The following USP37 variants were observed in gnomAD, a reference collection of about 807,000 sequenced individuals.
USP37 encodes the protein ubiquitin specific peptidase 37, also known as ubiquitin carboxyl-terminal hydrolase 37.
In USP37, 27 loss-of-function variants were observed where a neutral mutation model predicts 124.0. The observed-to-expected ratio is 0.22, with a 90% CI of 0.16 to 0.30. The LOEUF is 0.30. USP37 is among the 10% of genes least tolerant of loss of function. The pLI is 1.00. For missense variants in USP37, 889 were observed against 1,140.4 expected (o/e 0.78, Z 3.17); for synonymous variants, 365 against 388.0 (o/e 0.94, Z 0.70).
chr2:218,553,335 T>C (rs1407331615), intron 5 of USP37, among the ~76,000 whole-genome samples: 1 of 152,190 alleles, frequency 6.6e-6, no homozygotes, highest in Non-Finnish European at 1.5e-5. Flanking sequence ...ACAATTCAGA[T>C]GATCATGTGG....
chr2:218,459,586 T>G (rs997241641), intron 23 of USP37, among the ~76,000 whole-genome samples: 1 of 150,226 alleles, frequency 6.7e-6, no homozygotes, highest in Admixed American at 6.6e-5. Flanking sequence ...TGTATTCCTG[T>G]TTTTTTTGTT....
At chr2:218,489,946 G>A (rs547171849) in intron 14 of USP37, among the ~76,000 whole-genome samples, 3 of 152,252 alleles carry the variant, frequency 2.0e-5, no homozygotes, top group Non-Finnish European at 2.9e-5. Context: ...CTGCATTTTC[G>A]TTGTTGTATA....
intron 15 of USP37, among the ~76,000 whole-genome samples, chr2:218,487,862 T>C (rs1189653225): frequency 6.6e-6 from 1 of 151,882 alleles, no homozygotes; most frequent in East Asian, 1.9e-4. Flanking sequence ...AAACTTCTCA[T>C]CTGTTTTCCC....
intron 11 of USP37, among the ~76,000 whole-genome samples, chr2:218,503,921 T>C (rs1689531020): frequency 6.6e-6 from 1 of 152,166 alleles, no homozygotes; most frequent in Admixed American, 6.6e-5. Context: ...TGAAAAATGT[T>C]AATGGTCTAA....
At chr2:218,507,570 T>C (rs1030257963) in intron 11 of USP37, among the ~76,000 whole-genome samples, 2 of 152,182 alleles carry the variant, frequency 1.3e-5, no homozygotes, top group African/African-American at 4.8e-5. Flanking sequence ...TTTTTTCTTA[T>C]AGTCATTTTT....
chr2:218,469,341 C>A (rs981088959), intron 20 of USP37, among the ~76,000 whole-genome samples: 5 of 152,144 alleles, frequency 3.3e-5, no homozygotes, highest in African/African-American at 9.7e-5. Context: ...CCTACGCCTG[C>A]TGAACTGGGA....
intron 5 of USP37, among the ~76,000 whole-genome samples, chr2:218,553,249 G>A (rs751227883): frequency 2.0e-5 from 3 of 152,140 alleles, no homozygotes; most frequent in Admixed American, 6.6e-5. Context: ...ACGCTGAGTC[G>A]TTTCCTTCTA....
chr2:218,458,979 A>T (rs1391933428), intron 23 of USP37, among the ~76,000 whole-genome samples: 1 of 152,082 alleles, frequency 6.6e-6, no homozygotes, highest in East Asian at 1.9e-4. Flanking sequence ...AATAACAAAG[A>T]AATATGTCAA....
chr2:218,546,173 T>C (rs199827803), intron 8 of USP37, 48 bp downstream of exon 8: 1 of 1,449,722 alleles, frequency 6.9e-7, no homozygotes, highest in Non-Finnish European at 9.5e-7. Context: ...CAAATACCAA[T>C]ATAAGAAACA....
chr2:218,479,709 T>C lies in USP37; in HGVS notation c.1842A>G (p.Arg614=). The change falls in exon 18 of 26, where the codon AGA becomes AGG. Residue 614 remains arginine (R), a synonymous_variant. Coordinates refer to ENST00000258399, the MANE Select transcript of USP37 (RefSeq NM_020935.3). ...LGWSAHMAIS[R]PLKASQMVNS... ...TCACCATTTGAGAGGCTTTCAATGG[T>C]CTAGAACTATCAGAAAATTAGAAAA... The C allele has an allele frequency of 6.3e-7, 1 of 1,592,294 alleles. No homozygotes were observed. Among genetic ancestry groups the C allele is most frequent in the Non-Finnish European group, 8.5e-7 (1 of 1,170,744 alleles).
In USP37 at chr2:218,488,339, G is replaced by A. The variant is rs150259537; in HGVS notation, c.1555C>T (p.Arg519Cys). Residue 519 changes from arginine (R) to cysteine (C), a missense_variant, in exon 15 of 26, where the codon CGT becomes TGT. By Grantham distance (180) the Arg-to-Cys change is radical (BLOSUM62 -3). Around this residue, in one of 3 missense-constraint regions of USP37, gnomAD observed 504 missense variants for 714.3 expected, o/e 0.71. Coordinates refer to ENST00000258399, the MANE Select transcript of USP37 (RefSeq NM_020935.3). ...AGATCAAGAGAATCTTGAATTGAAC[G>A]AGGAGGGAGTGGTTTTTTCCTACGA... The part of the protein sequence containing the change: ...LPRRKKPLPP[R>C]SIQDSLDLFF... 2.0e-5 allele frequency: 33 copies of A among 1,611,654 alleles called. No individual in the cohort carries two copies. The highest frequency in any genetic ancestry group is 4.0e-5 in the African/African-American group (3 of 74,816).
At chr2:218,482,965 T>G (rs1167652068) in intron 16 of USP37, among the ~76,000 whole-genome samples, 2 of 152,108 alleles carry the variant, frequency 1.3e-5, no homozygotes, top group Non-Finnish European at 2.9e-5. Context: ...TCAAACATCT[T>G]ATGGGAATAA....
chr2:218,495,738 T>C, intron 14 of USP37, 22 bp downstream of exon 14: 1 of 1,572,974 alleles, frequency 6.4e-7, no homozygotes, highest in African/African-American at 1.4e-5. Flanking sequence ...AAAAGGGAAA[T>C]CATTTCTTAG....
intron 20 of USP37, among the ~76,000 whole-genome samples, chr2:218,466,397 G>T (rs868453818): frequency 2.6e-4 from 40 of 152,132 alleles, no homozygotes; most frequent in African/African-American, 9.2e-4. Context: ...GGGGAGAAGA[G>T]TATGTCCTGT....
intron 16 of USP37, among the ~76,000 whole-genome samples, chr2:218,484,612 ACT>A (rs1224950769): frequency 6.6e-6 from 1 of 150,382 alleles, no homozygotes; most frequent in Non-Finnish European, 1.5e-5. Flanking sequence ...ACAGAGCAAG[ACT>A]CTGTATCAAA....
At chr2:218,526,785 CTTTTTT>C (rs71064454) in intron 10 of USP37, among the ~76,000 whole-genome samples, 33 of 75,934 alleles carry the variant, frequency 4.3e-4, no homozygotes, top group African/African-American at 1.7e-3. Flanking sequence ...ATTTCATTTG[CTTTTTT>C]TTTTTTTTTT....
intron 3 of USP37, among the ~76,000 whole-genome samples, chr2:218,559,906 G>T (rs77749433): frequency 0.039 from 5,892 of 152,104 alleles, 373 homozygotes; most frequent in African/African-American, 0.13. Context: ...CCTGAGCCAG[G>T]GAGGTCGAGG....
intron 22 of USP37, among the ~76,000 whole-genome samples, chr2:218,461,001 C>T (rs1316173666): frequency 6.6e-6 from 1 of 151,990 alleles, no homozygotes; most frequent in Non-Finnish European, 1.5e-5. Flanking sequence ...AAAGAGAATT[C>T]AACCTTTAAC....
intron 23 of USP37, among the ~76,000 whole-genome samples, chr2:218,459,075 A>G (rs1056002224): frequency 2.4e-5 from 1 of 41,172 alleles, no homozygotes; most frequent in Non-Finnish European, 1.1e-4. Flanking sequence ...GGGGGGAAAA[A>G]GGGTTAAAAA....
Sources: allele counts gnomAD v4.1 joint callset (sites outside exome capture counted in the v4.1 genomes callset), GRCh38; gene constraint gnomAD v4.1.1; regional missense constraint gnomAD v4.1.1; transcripts MANE v1.5; gene names NCBI Gene and HGNC (gene_info 2026-07-23, HGNC 2026-07-21).